Variants in MECOM observed in about 807,000 individuals in gnomAD.
MECOM encodes histone-lysine N-methyltransferase MECOM.
A neutral mutation model predicts 116.3 loss-of-function variants in MECOM; 13 were observed. The ratio of observed to expected loss-of-function variants is 0.11; its 90% CI spans 0.07 to 0.18. MECOM has a LOEUF of 0.18. MECOM is among the 10% of genes least tolerant of loss of function. MECOM has a pLI of 1.00. For synonymous variants in MECOM, 528 were observed against 535.2 expected, an observed-to-expected ratio of 0.99 and a Z score of 0.19; for missense variants, 1,299 against 1,509.0, an observed-to-expected ratio of 0.86 and a Z score of 2.31.
chr3:169,316,078 T>C (rs1200795184), intron 2 of MECOM, among the ~76,000 whole-genome samples: 1 of 152,262 alleles, frequency 6.6e-6, no homozygotes, highest in East Asian at 1.9e-4. Context: ...AATTGATGAA[T>C]ACTAATGCTT....
At chr3:169,525,409 T>C (rs1023500854) in intron 1 of MECOM, among the ~76,000 whole-genome samples, 3 of 152,240 alleles carry the variant, frequency 2.0e-5, no homozygotes, top group Admixed American at 2.0e-4. Context: ...AAATCTTTCG[T>C]AGTAATTCTA....
intron 1 of MECOM, among the ~76,000 whole-genome samples, chr3:169,473,640 A>G (rs1918978): frequency 0.69 from 104,857 of 151,788 alleles, 37,679 homozygotes; most frequent in African/African-American, 0.9. Context: ...GTGGTGGCAC[A>G]CACCTGTAGT....
rs576936572 is a variant in MECOM at position 169,194,391 on chromosome 3, C to A, written c.376-50559G>T. ...ATGATGGGTTAATGGGTGCAGCACACCAACATGGCACATGTATACATATGT... is the reference window on the plus strand; with the variant it reads ...ATGATGGGTTAATGGGTGCAGCACAACAACATGGCACATGTATACATATGT... On this transcript the variant is annotated intron_variant, in intron 2 of 16. Coordinates refer to ENST00000651503, the MANE Select transcript of MECOM (RefSeq NM_004991.4). Among the ~76,000 whole-genome samples the A allele has an allele frequency of 3.9e-5, 6 of 151,958 alleles. No homozygotes were observed. The East Asian group carries it at 1.2e-3, about 29-fold the overall frequency.
intron 1 of MECOM, among the ~76,000 whole-genome samples, chr3:169,414,052 C>T (rs1304659234): frequency 6.6e-6 from 1 of 152,210 alleles, no homozygotes; most frequent in Non-Finnish European, 1.5e-5. Flanking sequence ...GGGCAGACTG[C>T]CTCCTCAAGT....
chr3:169,089,872 A>G (rs1719090947), intron 15 of MECOM, 128 bp downstream of exon 15: 1 of 1,403,896 alleles, frequency 7.1e-7, no homozygotes, highest in Non-Finnish European at 9.5e-7. Context: ...CTGATCCACC[A>G]TGTATCCCTT....
chr3:169,117,862 T>C (rs1729671923), intron 7 of MECOM, among the ~76,000 whole-genome samples: 1 of 152,142 alleles, frequency 6.6e-6, no homozygotes, highest in African/African-American at 2.4e-5. Context: ...ATCAGTACCC[T>C]GAGCATCACA....
chr3:169,097,201 G>C (rs1037279855), intron 12 of MECOM, among the ~76,000 whole-genome samples: 1 of 151,918 alleles, frequency 6.6e-6, no homozygotes, highest in Non-Finnish European at 1.5e-5. Context: ...TTATGTTTCT[G>C]CCATGCTTCT....
At chr3:169,207,975 C>T (rs912390665) in intron 2 of MECOM, among the ~76,000 whole-genome samples, 7 of 152,082 alleles carry the variant, frequency 4.6e-5, no homozygotes, top group Non-Finnish European at 1.0e-4. Context: ...AACAAGTCAG[C>T]ACTGTTCTGA....
intron 2 of MECOM, among the ~76,000 whole-genome samples, chr3:169,144,724 T>C (rs987423751): frequency 6.6e-6 from 1 of 152,124 alleles, no homozygotes; most frequent in Non-Finnish European, 1.5e-5. Flanking sequence ...TAAACATCAA[T>C]ATTAAAAGCT....
chr3:169,142,462 G>T (rs1738405860), intron 3 of MECOM, among the ~76,000 whole-genome samples: 1 of 151,822 alleles, frequency 6.6e-6, no homozygotes, highest in East Asian at 1.9e-4. Flanking sequence ...ATCTGTTGTT[G>T]ATGGCGACAG....
chr3:169,416,502 A>C (rs1291469397), intron 1 of MECOM, among the ~76,000 whole-genome samples: 1 of 152,204 alleles, frequency 6.6e-6, no homozygotes, highest in Non-Finnish European at 1.5e-5. Flanking sequence ...AACAGCTAGC[A>C]GAAGACAAGA....
intron 1 of MECOM, among the ~76,000 whole-genome samples, chr3:169,655,786 A>G (rs923728897): frequency 3.7e-4 from 56 of 152,186 alleles, no homozygotes; most frequent in Non-Finnish European, 6.2e-4. Flanking sequence ...ACAGGAGGGG[A>G]AAAAAAAGGA....
chr3:169,471,377 T>A (rs1023957653), intron 1 of MECOM, among the ~76,000 whole-genome samples: 19 of 148,106 alleles, frequency 1.3e-4, no homozygotes, highest in Non-Finnish European at 2.1e-4. Context: ...AAAAAAAAAA[T>A]TCCTGCTTTA....
At chr3:169,156,783 A>C (rs928858825) in intron 2 of MECOM, among the ~76,000 whole-genome samples, 4 of 152,194 alleles carry the variant, frequency 2.6e-5, no homozygotes, top group African/African-American at 9.6e-5. Flanking sequence ...GACTTTTCTT[A>C]ATAAGATTTG....
intron 1 of MECOM, among the ~76,000 whole-genome samples, chr3:169,656,471 G>T (rs1416157470): frequency 6.6e-6 from 1 of 152,070 alleles, no homozygotes; most frequent in East Asian, 1.9e-4. Flanking sequence ...TGAAGAGTCA[G>T]GAATTTGATT....
In MECOM at chr3:169,332,828, G is replaced by C. The variant is rs80223020; in HGVS notation, c.375+48359C>G. On this transcript the variant is annotated intron_variant, in intron 2 of 16. Coordinates refer to ENST00000651503, the MANE Select transcript of MECOM (RefSeq NM_004991.4). The stretch of plus-strand genomic sequence containing the variant: ...ATGATATTTTGTCTTAAATAATTCA[G>C]ATTCAGTACTTAGTGGTAAGTTAAT... Among the ~76,000 whole-genome samples, 831 of 152,166 alleles carry C rather than the reference G, an allele frequency of 5.5e-3. 7 individuals carry two copies. Among genetic ancestry groups the C allele is most frequent in the African/African-American group, 0.019 (799 of 41,516 alleles).
chr3:169,357,428 T>G (rs577569810), intron 2 of MECOM, among the ~76,000 whole-genome samples: 2 of 151,830 alleles, frequency 1.3e-5, no homozygotes, highest in Admixed American at 1.3e-4. Context: ...TTCAGGACAT[T>G]AAGTTAAAAC....
chr3:169,589,510 G>A (rs1027836516), intron 1 of MECOM, among the ~76,000 whole-genome samples: 3 of 151,940 alleles, frequency 2.0e-5, no homozygotes, highest in Non-Finnish European at 4.4e-5. Context: ...CACCTCTCAG[G>A]GCCTCTGTTT....
At chr3:169,216,175 T>C (rs1048223143) in intron 2 of MECOM, among the ~76,000 whole-genome samples, 1 of 152,226 alleles carries the variant, frequency 6.6e-6, no homozygotes, top group Non-Finnish European at 1.5e-5. Context: ...GGAAGTTTTC[T>C]GGCTGCTTTC....
Sources: allele counts gnomAD v4.1 joint callset (sites outside exome capture counted in the v4.1 genomes callset), GRCh38; gene constraint gnomAD v4.1.1; transcripts MANE v1.5; gene names NCBI Gene and HGNC (gene_info 2026-07-23, HGNC 2026-07-21).